The following ELOVL3 variants were observed in gnomAD, a reference collection of about 807,000 sequenced individuals.
ELOVL3 encodes very long chain fatty acid elongase 3.
Under a neutral mutation model 14.9 loss-of-function variants are expected in ELOVL3, and 11 were observed. The observed-to-expected ratio is 0.74, with a 90% CI of 0.46 to 1.22. ELOVL3 has a LOEUF of 1.22. Ranked by LOEUF, ELOVL3 falls within the 50% of genes most tolerant of loss-of-function variation. The probability of loss-of-function intolerance (pLI) is 0.00; values close to 1 mark genes in which losing one functional copy is unlikely to be tolerated. For missense variants in ELOVL3, 277 were observed against 338.9 expected (o/e 0.82, Z 1.43); for synonymous variants, 117 against 124.7 (o/e 0.94, Z 0.41).
upstream of ELOVL3, among the ~76,000 whole-genome samples, chr10:102,225,139 T>C (rs2070127239): frequency 3.3e-5 from 5 of 152,056 alleles, no homozygotes; most frequent in South Asian, 1.0e-3. Context: ...TGCAATGCAG[T>C]GAAGAGCAGA....
upstream of ELOVL3, among the ~76,000 whole-genome samples, chr10:102,226,169 G>A (rs1292325896): frequency 6.6e-6 from 1 of 152,234 alleles, no homozygotes; most frequent in Non-Finnish European, 1.5e-5. Context: ...GATGGCCTAC[G>A]ACGGGACTTG....
intron 1 of ELOVL3, 32 bp downstream of exon 1, chr10:102,226,681 A>T (rs756220359): frequency 1.3e-6 from 2 of 1,563,540 alleles, no homozygotes; most frequent in Non-Finnish European, 1.8e-6. Flanking sequence ...AGGCCATGCC[A>T]GGGCCCCGGG....
At chr10:102,226,688 CG>C in intron 1 of ELOVL3, 39 bp downstream of exon 1, 1 of 1,484,032 alleles carries the variant, frequency 6.7e-7, no homozygotes, top group Non-Finnish European at 9.4e-7. Flanking sequence ...GCCAGGGCCC[CG>C]GGGCCGGGGC....
At chr10:102,228,229 G>T (rs10748816) in intron 2 of ELOVL3, among the ~76,000 whole-genome samples, 188 bp from the exon 3 acceptor site, 2 of 151,842 alleles carry the variant, frequency 1.3e-5, no homozygotes, top group African/African-American at 2.4e-5. Context: ...TCCAGCCCTC[G>T]TCTCCTCTAG....
chr10:102,225,997 C>T (rs1488671964), upstream of ELOVL3, among the ~76,000 whole-genome samples: 1 of 151,958 alleles, frequency 6.6e-6, no homozygotes, highest in African/African-American at 2.4e-5. Context: ...GGTGGGAGCA[C>T]CAAAGCCTAA....
In ELOVL3 at chr10:102,228,459, G is replaced by A; in HGVS notation, c.276G>A (p.Val92=). ...GGATGTGGGGCATTATGGGGACTGT[G>A]CTACTTACCGGGGGCCTAAAGCAAA... The part of the protein sequence containing the change: ...AVRMWGIMGT[V]LLTGGLKQTV... Residue 92 remains valine (V), a synonymous_variant, in exon 3 of 4, where the codon GTG becomes GTA. Transcript: ENST00000370005. 1.2e-6 allele frequency: 2 copies of A among 1,614,172 alleles called. No individual in the cohort carries two copies. The highest frequency in any genetic ancestry group is 1.7e-6 in the Non-Finnish European group (2 of 1,180,022).
At position 102,229,254 on chromosome 10, in the gene ELOVL3, G is replaced by A. The variant is rs2070175378; in HGVS notation, c.*2G>A. On this transcript the variant is annotated 3_prime_UTR_variant, in exon 4 of 4. Coordinates refer to ENST00000370005, the MANE Select transcript of ELOVL3 (RefSeq NM_152310.3). ...AAAGCCAAGACCAAGAGCCAGTGAAGGTTTGGAGAGAACAATGAAGCTCCA... is the reference window on the plus strand; with the variant it reads ...AAAGCCAAGACCAAGAGCCAGTGAAAGTTTGGAGAGAACAATGAAGCTCCA... 6.2e-7 allele frequency: 1 copy of A among 1,602,220 alleles called. No homozygotes were observed. The highest frequency in any genetic ancestry group is 8.5e-7 in the Non-Finnish European group (1 of 1,172,644).
chr10:102,225,715 A>G (rs1051299516), upstream of ELOVL3, among the ~76,000 whole-genome samples: 1 of 152,164 alleles, frequency 6.6e-6, no homozygotes, highest in Non-Finnish European at 1.5e-5. Context: ...TCCTCTCTCC[A>G]TGGTTATTAC....
At position 102,229,396 on chromosome 10, in the gene ELOVL3, GAC is replaced by G. The variant is rs778779396; in HGVS notation, c.*146_*147del. ...GTGCCCCAAGGTGGCTGGAATTTTTGACAGACAAGAAGGGTGACCTTGGGATG... is the reference window on the plus strand; with the variant it reads ...GTGCCCCAAGGTGGCTGGAATTTTTGAGACAAGAAGGGTGACCTTGGGATG... On this transcript the variant is annotated 3_prime_UTR_variant, in exon 4 of 4. Transcript: ENST00000370005. 1.2e-5 allele frequency: 9 copies of G among 766,062 alleles called. No individual in the cohort carries two copies. The highest frequency in any genetic ancestry group is 1.8e-5 in the Non-Finnish European group (9 of 488,650). The allele number at this position is 766,062 out of a possible 1,614,324, so 47.5% of individuals were successfully genotyped here. A position where few individuals can be genotyped will look rare whatever the true frequency, so the allele number is the denominator to read the frequency against.
rs2133790103 is a variant in ELOVL3 at position 102,226,796 on chromosome 10, CA to C, written c.101+148del. On this transcript the variant is annotated intron_variant, in intron 1 of 3. Transcript: ENST00000370005. ...CTTCACACTACCTTTGTCCGAGGTG[CA>C]GGTAGTATGTGGCACCTCAAAGAGA... is the stretch of plus-strand genomic sequence containing the variant. 5.0e-6 allele frequency: 3 copies of C among 603,004 alleles called. No individual in the cohort carries two copies. The East Asian group carries it at 8.7e-5, about 17-fold the overall frequency. 37.4% of individuals were successfully genotyped at this position (603,004 alleles called of 1,614,324 possible). A position where few individuals can be genotyped will look rare whatever the true frequency, so the allele number is the denominator to read the frequency against.
At position 102,228,943 on chromosome 10, in the gene ELOVL3, C is replaced by T; in HGVS notation, c.504C>T (p.Gly168=). ...ACAAGAACAAAGTGCCTGCAGGAGG[C>T]TGGTTCGTCACCATGAACTTTGGTG... ...FGYKNKVPAG[G]WFVTMNFGVH... Residue 168 remains glycine (G), a synonymous_variant, in exon 4 of 4, where the codon GGC becomes GGT. Transcript: ENST00000370005. The T allele has an allele frequency of 6.2e-7, 1 of 1,614,218 alleles. No individual in the cohort carries two copies. Among genetic ancestry groups the T allele is most frequent in the African/African-American group, 1.3e-5 (1 of 75,054 alleles).
Position 102,229,327 on chromosome 10 carries a change from G to T in ELOVL3, c.*75G>T. ...CAAGAGGCTGGGCTTAGTTTTGGGAGAATGATTAGGTTGCCTTACCTGCAT... is the reference window on the plus strand; with the variant it reads ...CAAGAGGCTGGGCTTAGTTTTGGGATAATGATTAGGTTGCCTTACCTGCAT... On this transcript the variant is annotated 3_prime_UTR_variant, in exon 4 of 4. Transcript: ENST00000370005. 1 of 1,410,764 alleles carries T rather than the reference G, an allele frequency of 7.1e-7. No individual in the cohort carries two copies. The highest frequency in any genetic ancestry group is 9.6e-7 in the Non-Finnish European group (1 of 1,043,408). The allele number at this position is 1,410,764 out of a possible 1,614,324, so 87.4% of individuals were successfully genotyped here.
intron 1 of ELOVL3, among the ~76,000 whole-genome samples, chr10:102,227,331 C>G (rs546365881): frequency 6.6e-6 from 1 of 152,136 alleles, no homozygotes; most frequent in Non-Finnish European, 1.5e-5. Flanking sequence ...GCCAGACAGC[C>G]GTCACCCACC....
chr10:102,229,281 G>A lies in ELOVL3; in HGVS notation c.*29G>A. ...TTTGGAGAGAACAATGAAGCTCCAGGCTCTCTCTTCTCCAGGGCACCAAGA... is the reference window on the plus strand; with the variant it reads ...TTTGGAGAGAACAATGAAGCTCCAGACTCTCTCTTCTCCAGGGCACCAAGA... On this transcript the variant is annotated 3_prime_UTR_variant, in exon 4 of 4. Transcript: ENST00000370005. 1 of 1,571,906 alleles carries A rather than the reference G, an allele frequency of 6.4e-7. No individual in the cohort carries two copies. Among genetic ancestry groups the A allele is most frequent in the Non-Finnish European group, 8.6e-7 (1 of 1,156,546 alleles).
In ELOVL3 at chr10:102,226,320, C is replaced by T. The variant is rs574971595; in HGVS notation, c.-229C>T. On this transcript the variant is annotated 5_prime_UTR_variant, in exon 1 of 4. Transcript: ENST00000370005. Reference sequence around the variant, plus strand: ...GGGCGCAGGAAAGAGGTCGCGCCAGCCCGGGCAGGCAGCTTTGCAAGTCCG... The same window carrying T: ...GGGCGCAGGAAAGAGGTCGCGCCAGTCCGGGCAGGCAGCTTTGCAAGTCCG... The T allele has an allele frequency of 5.9e-6, 3 of 504,924 alleles. No homozygotes were observed. The highest frequency in any genetic ancestry group is 1.1e-5 in the Non-Finnish European group (3 of 282,706). 31.3% of individuals were successfully genotyped at this position (504,924 alleles called of 1,614,324 possible).
upstream of ELOVL3, among the ~76,000 whole-genome samples, chr10:102,225,932 A>G (rs1230473944): frequency 6.6e-6 from 1 of 151,850 alleles, no homozygotes; most frequent in Non-Finnish European, 1.5e-5. Flanking sequence ...TGCTCATCAC[A>G]GGCCTGGGTT....
At chr10:102,228,296 C>G (rs10748817) in intron 2 of ELOVL3, 121 bp from the exon 3 acceptor site, 535,097 of 1,038,498 alleles carry the variant, frequency 0.52, 142,395 homozygotes, top group African/African-American at 0.78. Context: ...TGACCCACCC[C>G]CTGTGGACAG....
At chr10:102,227,828 C>A (rs570641098) in intron 2 of ELOVL3, 71 bp downstream of exon 2, 1 of 1,560,324 alleles carries the variant, frequency 6.4e-7, no homozygotes, top group Non-Finnish European at 8.8e-7. Context: ...GAAGCTTTCC[C>A]GATTGCATCA....
At chr10:102,225,648 G>C (rs1248209020), upstream of ELOVL3, among the ~76,000 whole-genome samples, 1 of 152,100 alleles carries the variant, frequency 6.6e-6, no homozygotes, top group Admixed American at 6.6e-5. Flanking sequence ...TAAACCCTAA[G>C]AGGCCTCCAG....
Sources: allele counts gnomAD v4.1 joint callset (sites outside exome capture counted in the v4.1 genomes callset), GRCh38; gene constraint gnomAD v4.1.1; transcripts MANE v1.5; gene names NCBI Gene and HGNC (gene_info 2026-07-23, HGNC 2026-07-21).